The following RPL28 variants were observed in gnomAD, a reference collection of about 807,000 sequenced individuals.
RPL28 encodes the protein ribosomal protein L28, also known as large ribosomal subunit protein eL28.
Under a neutral mutation model 12.5 loss-of-function variants are expected in RPL28, and 4 were observed. The ratio of observed to expected loss-of-function variants is 0.32; its 90% CI spans 0.16 to 0.73. The LOEUF (loss-of-function observed/expected upper bound fraction) is 0.73. Ranked by LOEUF, RPL28 falls within the 30% of genes least tolerant of loss-of-function variation. The pLI, the probability that RPL28 is intolerant of heterozygous loss-of-function variation, is 0.66. For missense variants in RPL28, 214 were observed against 197.7 expected (o/e 1.08, Z -0.49); for synonymous variants, 91 against 72.5 (o/e 1.26, Z -1.30).
At chr19:55,394,038 G>C (rs956986273), downstream of RPL28, among the ~76,000 whole-genome samples, 1 of 151,802 alleles carries the variant, frequency 6.6e-6, no homozygotes, top group Admixed American at 6.6e-5. Context: ...CCAGGCAGGC[G>C]GATCACAAGG....
chr19:55,393,569 T>C (rs2090005067), downstream of RPL28, among the ~76,000 whole-genome samples: 1 of 151,252 alleles, frequency 6.6e-6, no homozygotes, highest in African/African-American at 2.4e-5. Context: ...ACACCCAGTA[T>C]CCATGAAGCA....
intron 3 of RPL28, chr19:55,387,258 C>A (rs764602315): frequency 6.5e-7 from 1 of 1,548,474 alleles, no homozygotes; most frequent in South Asian, 1.2e-5. Flanking sequence ...CACATGTGTT[C>A]TTGACAGGGC....
intron 3 of RPL28, 30 bp downstream of exon 3, chr19:55,386,723 C>A (rs1286966384): frequency 1.9e-6 from 3 of 1,612,524 alleles, no homozygotes; most frequent in Non-Finnish European, 2.5e-6. Context: ...GGCCAGAGAG[C>A]GGCCCCTTTC....
downstream of RPL28, among the ~76,000 whole-genome samples, chr19:55,395,443 CTTT>C (rs535831486): frequency 1.3e-4 from 17 of 132,112 alleles, no homozygotes; most frequent in Non-Finnish European, 9.7e-5. Context: ...TTCTTTTTCT[CTTT>C]TTTTTTTTTT....
In RPL28 at chr19:55,388,274, G is replaced by C. The variant is rs756041010; in HGVS notation, c.356G>C (p.Arg119Pro). Residue 119 changes from arginine to proline, a missense_variant, in exon 5 of 5, where the codon CGC (arginine) becomes CCC (proline). By Grantham distance (103) the Arg-to-Pro change is moderately radical (BLOSUM62 -2). Coordinates refer to ENST00000344063, the MANE Select transcript of RPL28 (RefSeq NM_000991.5). ...ATCCGCAGGGCCAGCGCCATCCTGC[G>C]CAGCCAGAAGCCTGTGATGGTGAAG... ...AAIRRASAIL[R>P]SQKPVMVKRK... The C allele has an allele frequency of 2.5e-6, 4 of 1,580,138 alleles. No homozygotes were observed. The highest frequency in any genetic ancestry group is 3.4e-6 in the Non-Finnish European group (4 of 1,163,898).
chr19:55,390,404 C>T lies in RPL28; in HGVS notation c.*2072C>T. 2.2e-6 allele frequency: 2 copies of T among 915,902 alleles called. No individual in the cohort carries two copies. The highest frequency in any genetic ancestry group is 1.8e-5 in the African/African-American group (1 of 55,230). The allele number at this position is 915,902 out of a possible 1,614,324, so 56.7% of individuals were successfully genotyped here. On this transcript the variant is annotated 3_prime_UTR_variant, in exon 5 of 5. Transcript: ENST00000344063. ...ATTTTTAGCAGAGATGGGGTTTCAC[C>T]ATTTTGCCCAGGCTGGTTTGGAACT...
At position 55,388,547 on chromosome 19, in the gene RPL28, A is replaced by G. The variant is rs1600303967; in HGVS notation, c.*215A>G. ...AGCTGCCTTGTCCCTGGTGAGGGCA[A>G]GGGTCACTGTCTTCACAGAAAAAGT... On this transcript the variant is annotated 3_prime_UTR_variant, in exon 5 of 5. Transcript: ENST00000344063. The G allele has an allele frequency of 1.6e-6, 2 of 1,269,132 alleles. No individual in the cohort carries two copies. Among genetic ancestry groups the G allele is most frequent in the Non-Finnish European group, 2.0e-6 (2 of 1,007,056 alleles). The allele number at this position is 1,269,132 out of a possible 1,614,324, so 78.6% of individuals were successfully genotyped here.
chr19:55,390,712 TG>T lies in RPL28; in HGVS notation c.*2382del. 1.0e-6 allele frequency: 1 copy of T among 985,410 alleles called. No individual in the cohort carries two copies. The highest frequency in any genetic ancestry group is 5.2e-4 in the Middle Eastern group (1 of 1,916). 61.0% of individuals were successfully genotyped at this position (985,410 alleles called of 1,614,324 possible). On this transcript the variant is annotated 3_prime_UTR_variant, in exon 5 of 5. Transcript: ENST00000344063. The stretch of plus-strand genomic sequence containing the variant: ...CCTGCGGGTGGCCAGCCTGTCTGTG[TG>T]GCTGGGCTGGGGAGGCCACGTCTGG...
exon 5 of RPL28, chr19:55,403,026 C>T (rs891616411): frequency 2.7e-5 from 40 of 1,501,610 alleles, no homozygotes; most frequent in East Asian, 2.5e-4. Flanking sequence ...TCAGCAACAC[C>T]GCAGCCAGGT....
At chr19:55,393,222 G>A (rs1283342555), downstream of RPL28, among the ~76,000 whole-genome samples, 1 of 147,176 alleles carries the variant, frequency 6.8e-6, no homozygotes. Flanking sequence ...AATGAGACCT[G>A]TCATCCTCCC....
In RPL28 at chr19:55,389,029, GTCTCA is replaced by G; in HGVS notation, c.*703_*707del. On this transcript the variant is annotated 3_prime_UTR_variant, in exon 5 of 5. Coordinates refer to ENST00000344063, the MANE Select transcript of RPL28 (RefSeq NM_000991.5). ...CTTTGAGCTGGCTCTTGTCACTTAG[GTCTCA>G]TCTCAGTGGCCGCTCCTGGGCCACC... 1 of 985,438 alleles carries G rather than the reference GTCTCA, an allele frequency of 1.0e-6. No individual in the cohort carries two copies. Among genetic ancestry groups the G allele is most frequent in the Non-Finnish European group, 1.2e-6 (1 of 829,954 alleles). The allele number at this position is 985,438 out of a possible 1,614,324, so 61.0% of individuals were successfully genotyped here.
At chr19:55,400,991 A>T (rs1185189926) in intron 4 of RPL28, 1 of 169,344 alleles carries the variant, frequency 5.9e-6, no homozygotes, top group Non-Finnish European at 1.3e-5. Flanking sequence ...CGTGGCCATT[A>T]TTCTAGAGGG....
At chr19:55,400,325 ATTT>A (rs564905881) in intron 4 of RPL28, 1 of 152,118 alleles carries the variant, frequency 6.6e-6, no homozygotes, top group Non-Finnish European at 1.5e-5. Context: ...CCTATTTTTA[ATTT>A]TTTTAAAATT....
chr19:55,393,565 A>G (rs1237322368), downstream of RPL28, among the ~76,000 whole-genome samples: 2 of 151,476 alleles, frequency 1.3e-5, no homozygotes, highest in African/African-American at 2.4e-5. Context: ...ATGGACACCC[A>G]GTATCCATGA....
chr19:55,391,285 C>T lies in RPL28; in HGVS notation c.*2953C>T, dbSNP rs563574755. Reference sequence around the variant, plus strand: ...TCCCAGCTCTGCCAGTTATGCCCAGCTGTGGGGACTTGGGCAGCTCGTTTA... The same window carrying T: ...TCCCAGCTCTGCCAGTTATGCCCAGTTGTGGGGACTTGGGCAGCTCGTTTA... On this transcript the variant is annotated 3_prime_UTR_variant, in exon 5 of 5. Coordinates refer to ENST00000344063, the MANE Select transcript of RPL28 (RefSeq NM_000991.5). 2 of 477,330 alleles carry T rather than the reference C, an allele frequency of 4.2e-6. No individual in the cohort carries two copies. Among genetic ancestry groups the T allele is most frequent in the Non-Finnish European group, 6.2e-6 (2 of 321,054 alleles). The allele number at this position is 477,330 out of a possible 1,614,324, so 29.6% of individuals were successfully genotyped here.
rs903896720 is a variant in RPL28 at position 55,389,898 on chromosome 19, C to T, written c.*1566C>T. 3.3e-5 allele frequency: 33 copies of T among 985,708 alleles called. No homozygotes were observed. Among genetic ancestry groups the T allele is most frequent in the Non-Finnish European group, 3.9e-5 (32 of 830,154 alleles). 61.1% of individuals were successfully genotyped at this position (985,708 alleles called of 1,614,324 possible). On this transcript the variant is annotated 3_prime_UTR_variant, in exon 5 of 5. Coordinates refer to ENST00000344063, the MANE Select transcript of RPL28 (RefSeq NM_000991.5). ...GTGACTTCGTACCTGCTCAGGAGCC[C>T]CCACTGTCCCAGTCCCACTCAGGCC... is the stretch of plus-strand genomic sequence containing the variant.
At chr19:55,401,435 A>T (rs1215069589) in intron 4 of RPL28, 1 of 1,598,196 alleles carries the variant, frequency 6.3e-7, no homozygotes, top group Non-Finnish European at 8.5e-7. Flanking sequence ...AAGAGAGCCC[A>T]CTACAGCCGC....
At chr19:55,398,808 TCTC>T (rs138125674) in intron 4 of RPL28, among the ~76,000 whole-genome samples, 17,539 of 151,910 alleles carry the variant, frequency 0.12, 1,652 homozygotes, top group African/African-American at 0.25. Flanking sequence ...TTGAAGCAAT[TCTC>T]CTGCCTCAGC....
At chr19:55,396,191 A>C (rs1359536199), downstream of RPL28, among the ~76,000 whole-genome samples, 2 of 149,982 alleles carry the variant, frequency 1.3e-5, no homozygotes, top group Non-Finnish European at 1.5e-5. Flanking sequence ...GGATCACTTG[A>C]GCCCAGGAGT....
Sources: allele counts gnomAD v4.1 joint callset (sites outside exome capture counted in the v4.1 genomes callset), GRCh38; gene constraint gnomAD v4.1.1; transcripts MANE v1.5; gene names NCBI Gene and HGNC (gene_info 2026-07-23, HGNC 2026-07-21).